The following PTPRG variants were observed in gnomAD, a reference collection of about 807,000 sequenced individuals.
PTPRG encodes protein tyrosine phosphatase receptor type G, also known as receptor-type tyrosine-protein phosphatase gamma.
Under a neutral mutation model 165.3 loss-of-function variants are expected in PTPRG, and 102 were observed. The observed-to-expected ratio is 0.62, with a 90% CI of 0.53 to 0.73. The LOEUF (loss-of-function observed/expected upper bound fraction) is 0.73, where lower values mean the gene tolerates loss of function less well. Among genes scored for constraint, PTPRG ranks in the 30% least tolerant of loss-of-function variants. The pLI is 0.00. For missense variants in PTPRG, 1,866 were observed against 1,861.4 expected, an observed-to-expected ratio of 1.00 and a Z score of -0.05; for synonymous variants, 675 against 669.5, an observed-to-expected ratio of 1.01 and a Z score of -0.13.
chr3:61,764,610 C>G (rs1198117391), intron 2 of PTPRG, among the ~76,000 whole-genome samples: 1 of 152,164 alleles, frequency 6.6e-6, no homozygotes, highest in Non-Finnish European at 1.5e-5. Context: ...GAGCAGACAT[C>G]TGAACACAGA....
At chr3:61,836,765 G>T (rs1188161892) in intron 2 of PTPRG, among the ~76,000 whole-genome samples, 3 of 151,890 alleles carry the variant, frequency 2.0e-5, no homozygotes, top group Non-Finnish European at 4.4e-5. Flanking sequence ...GTTTTTTTCA[G>T]ACGGAGTCTC....
Position 61,575,282 on chromosome 3 carries a change from A to C in PTPRG, c.85+12910A>C, listed in dbSNP as rs375931795. ...GGAAATGTAAGCACTCTGACCACAT[A>C]AACAAAGGATTTTGTGAAAATAAAT... On this transcript the variant is annotated intron_variant, in intron 1 of 29. Coordinates refer to ENST00000474889, the MANE Select transcript of PTPRG (RefSeq NM_002841.4). Among the ~76,000 whole-genome samples, 5 of 152,166 alleles carry C rather than the reference A, an allele frequency of 3.3e-5. No individual in the cohort carries two copies. In the East Asian group the frequency reaches 9.7e-4, roughly 29 times the overall value.
At chr3:61,695,890 T>A (rs569392125) in intron 1 of PTPRG, among the ~76,000 whole-genome samples, 3 of 152,330 alleles carry the variant, frequency 2.0e-5, no homozygotes, top group African/African-American at 7.2e-5. Flanking sequence ...ATACTAAATA[T>A]ACATTAATGT....
intron 2 of PTPRG, among the ~76,000 whole-genome samples, chr3:61,794,083 T>C (rs1199891378): frequency 6.6e-6 from 1 of 152,206 alleles, no homozygotes; most frequent in Non-Finnish European, 1.5e-5. Flanking sequence ...TCTGTTTCGT[T>C]TGCCCAACTG....
chr3:61,855,557 C>G (rs2037078266), intron 2 of PTPRG, among the ~76,000 whole-genome samples: 1 of 151,200 alleles, frequency 6.6e-6, no homozygotes, highest in African/African-American at 2.4e-5. Context: ...TCAAGAAAAG[C>G]TTCTAAAATA....
In PTPRG at chr3:62,203,957, G is replaced by T; in HGVS notation, c.2155+7G>T. The T allele has an allele frequency of 6.5e-7, 1 of 1,543,416 alleles. No homozygotes were observed. The highest frequency in any genetic ancestry group is 8.8e-7 in the Non-Finnish European group (1 of 1,142,850). On this transcript the variant is annotated splice_region_variant and intron_variant, in intron 12 of 29. Coordinates refer to ENST00000474889, the MANE Select transcript of PTPRG (RefSeq NM_002841.4). This position sits in a 1 kb window ranked among gnomAD's most constrained non-coding sequence, Gnocchi z 6.4. ...TTTATCACTGTTAATCCAGGTAAGTGGTGCAGGTCTTCTTCGAGGGTTCCT... is the reference window on the plus strand; with the variant it reads ...TTTATCACTGTTAATCCAGGTAAGTTGTGCAGGTCTTCTTCGAGGGTTCCT...
intron 1 of PTPRG, among the ~76,000 whole-genome samples, chr3:61,591,433 T>A (rs1236081229): frequency 6.6e-6 from 1 of 152,244 alleles, no homozygotes; most frequent in Non-Finnish European, 1.5e-5. Flanking sequence ...CAAGTTTGTA[T>A]GAATCCAGGA....
At chr3:61,969,076 A>G (rs2040332537) in intron 2 of PTPRG, among the ~76,000 whole-genome samples, 1 of 152,198 alleles carries the variant, frequency 6.6e-6, no homozygotes, top group South Asian at 2.1e-4. Context: ...CAGTTTATAC[A>G]TCCTTATTAT....
At chr3:62,177,962 C>G (rs1559608104) in intron 8 of PTPRG, among the ~76,000 whole-genome samples, 1 of 129,770 alleles carries the variant, frequency 7.7e-6, no homozygotes, top group Non-Finnish European at 1.5e-5. Context: ...GAGACTTTTC[C>G]TTTTCTCTGT....
chr3:61,724,850 C>T (rs979673544), intron 1 of PTPRG, among the ~76,000 whole-genome samples: 2 of 152,118 alleles, frequency 1.3e-5, no homozygotes, highest in Non-Finnish European at 2.9e-5. Flanking sequence ...GAGTTCTACA[C>T]ACACTCTAGA....
Position 62,296,805 on chromosome 3 carries a change from T to C in PTPRG, c.*3498T>C, listed in dbSNP as rs1341262375. On this transcript the variant is annotated 3_prime_UTR_variant, in exon 30 of 30. Coordinates refer to ENST00000474889, the MANE Select transcript of PTPRG (RefSeq NM_002841.4). The stretch of plus-strand genomic sequence containing the variant: ...GTAATAATGATATTTGGCCTCTACT[T>C]TGTCTTAGCTGTTAAACTGTTTTTA... The C allele has an allele frequency of 1.3e-5, 2 of 152,096 alleles. No individual in the cohort carries two copies. Among genetic ancestry groups the C allele is most frequent in the East Asian group, 1.9e-4 (1 of 5,204 alleles). The allele number at this position is 152,096 out of a possible 1,614,324, so 9.4% of individuals were successfully genotyped here.
At chr3:61,809,059 T>A (rs1437113630) in intron 2 of PTPRG, among the ~76,000 whole-genome samples, 1 of 150,254 alleles carries the variant, frequency 6.7e-6, no homozygotes. Context: ...GGTAATATAA[T>A]CCATAGAGTT....
chr3:61,978,730 A>G (rs561125854), intron 2 of PTPRG, among the ~76,000 whole-genome samples: 3 of 152,330 alleles, frequency 2.0e-5, no homozygotes, highest in South Asian at 2.1e-4. Context: ...GATGATAAAT[A>G]TTTTAGACTT....
intron 2 of PTPRG, among the ~76,000 whole-genome samples, chr3:61,872,179 T>G (rs1200445697): frequency 2.0e-5 from 3 of 152,226 alleles, no homozygotes. Flanking sequence ...GAAGGATAGC[T>G]TCTCTACTAC....
In PTPRG at chr3:61,976,352, G is replaced by A. The variant is rs553695818; in HGVS notation, c.191-13273G>A. Reference sequence around the variant, plus strand: ...GAATGTTGCCAGGAGGCATAGGTCAGAAATTGGATGACAGTCAGGATCTCC... The same window carrying A: ...GAATGTTGCCAGGAGGCATAGGTCAAAAATTGGATGACAGTCAGGATCTCC... On this transcript the variant is annotated intron_variant, in intron 2 of 29. Coordinates refer to ENST00000474889, the MANE Select transcript of PTPRG (RefSeq NM_002841.4). 2.0e-5 allele frequency among the ~76,000 whole-genome samples: 3 copies of A among 152,326 alleles called. No individual in the cohort carries two copies. The South Asian group carries it at 6.2e-4, about 32-fold the overall frequency.
intron 2 of PTPRG, among the ~76,000 whole-genome samples, chr3:61,918,144 G>A (rs2038987638): frequency 6.6e-6 from 1 of 152,156 alleles, no homozygotes; most frequent in Admixed American, 6.5e-5. Context: ...GCAAAGGCAG[G>A]ATGGTGGAGA....
At position 61,794,050 on chromosome 3, in the gene PTPRG, A is replaced by T. The variant is rs1013141354; in HGVS notation, c.190+45068A>T. On this transcript the variant is annotated intron_variant, in intron 2 of 29. Transcript: ENST00000474889. The stretch of plus-strand genomic sequence containing the variant: ...GTCACAGATTTTGGAGTATCTGCTT[A>T]GTGTTGGAGAAAGGCGAACTTTTCT... 2.0e-5 allele frequency among the ~76,000 whole-genome samples: 3 copies of T among 152,332 alleles called. No homozygotes were observed. The South Asian group carries it at 6.2e-4, about 32-fold the overall frequency.
Position 62,168,077 on chromosome 3 carries a change from T to C in PTPRG, c.947T>C (p.Val316Ala). Residue 316 changes from valine to alanine, a missense_variant, in exon 8 of 30, where the codon GTG becomes GCG. This residue lies in a region of PTPRG where 1,452 missense variants were observed against 1,463.0 expected (regional missense o/e 0.99). Transcript: ENST00000474889. Reference sequence around the variant, plus strand: ...CCACAGCAGCGTCTGCATGACAGGGTGGTGTCCAAGTCCGCCGTCCGTGAC... The same window carrying C: ...CCACAGCAGCGTCTGCATGACAGGGCGGTGTCCAAGTCCGCCGTCCGTGAC... ...FRPQQRLHDRVVSKSAVRDSW... is the reference protein window; with the variant it reads ...FRPQQRLHDRAVSKSAVRDSW... 1 of 1,613,896 alleles carries C rather than the reference T, an allele frequency of 6.2e-7. No homozygotes were observed. Among genetic ancestry groups the C allele is most frequent in the Non-Finnish European group, 8.5e-7 (1 of 1,179,970 alleles).
In PTPRG at chr3:62,231,306, G is replaced by A; in HGVS notation, c.2370G>A (p.Gly790=). The A allele has an allele frequency of 1.9e-6, 3 of 1,593,012 alleles. No homozygotes were observed. The highest frequency in any genetic ancestry group is 2.6e-6 in the Non-Finnish European group (3 of 1,169,380). ...VPSSGERGEK[G]SRKCFQTAHF... Reference sequence around the variant, plus strand: ...CTTCTGGGGAGAGAGGAGAGAAGGGGAGCAGGTGAGGGGCGGTCAAGCTTA... The same window carrying A: ...CTTCTGGGGAGAGAGGAGAGAAGGGAAGCAGGTGAGGGGCGGTCAAGCTTA... The change falls in exon 14 of 30, where the codon GGG becomes GGA. Residue 790 remains glycine, a synonymous_variant. Coordinates refer to ENST00000474889, the MANE Select transcript of PTPRG (RefSeq NM_002841.4).
Sources: allele counts gnomAD v4.1 joint callset (sites outside exome capture counted in the v4.1 genomes callset), GRCh38; gene constraint gnomAD v4.1.1; regional missense constraint gnomAD v4.1.1; non-coding constraint Gnocchi (gnomAD v3.1); transcripts MANE v1.5; gene names NCBI Gene and HGNC (gene_info 2026-07-23, HGNC 2026-07-21).